EML6: variants seen among roughly 807,000 people sequenced by gnomAD.
EML6 encodes EMAP like 6, also known as echinoderm microtubule-associated protein-like 6.
In EML6, 154 loss-of-function variants were observed where a neutral mutation model predicts 240.1. The ratio of observed to expected loss-of-function variants is 0.64; its 90% CI spans 0.56 to 0.73. The LOEUF is 0.73. Among genes scored for constraint, EML6 ranks in the 30% least tolerant of loss-of-function variants. The probability of loss-of-function intolerance (pLI) is 0.00; values close to 1 mark genes in which losing one functional copy is unlikely to be tolerated. For missense variants in EML6, 2,964 were observed against 2,474.6 expected, an observed-to-expected ratio of 1.20 and a Z score of -4.20; for synonymous variants, 1,148 against 899.0, an observed-to-expected ratio of 1.28 and a Z score of -4.95.
In EML6 at chr2:54,916,861, C is replaced by G. The variant is rs1673942331; in HGVS notation, c.3601C>G (p.Leu1201Val). The G allele has an allele frequency of 1.3e-6, 2 of 1,550,996 alleles. No homozygotes were observed. The highest frequency in any genetic ancestry group is 2.4e-5 in the East Asian group (1 of 40,890). ...TATAACTGACGTAAATGCTGCCAGT[C>G]TTACCAAAGACTGTTCCCTTTTAGC... ...SDITDVNAAS[L>V]TKDCSLLATG... The change falls in exon 26 of 42, where the codon CTT becomes GTT. Residue 1201 changes from leucine to valine, a missense_variant. Coordinates refer to ENST00000356458, the MANE Select transcript of EML6 (RefSeq NM_001039753.4).
intron 2 of EML6, among the ~76,000 whole-genome samples, chr2:54,790,756 C>T (rs755072200): frequency 1.8e-4 from 24 of 134,970 alleles, no homozygotes; most frequent in East Asian, 5.0e-4. Flanking sequence ...GACGGAGTTA[C>T]GCTCTGTCGC....
At chr2:54,869,676 T>C (rs2103905754) in intron 15 of EML6, among the ~76,000 whole-genome samples, 1 of 152,150 alleles carries the variant, frequency 6.6e-6, no homozygotes, top group South Asian at 2.1e-4. Context: ...ATGCCCAGGA[T>C]TTAGTATATC....
rs1676648088 is a variant in EML6 at position 54,964,151 on chromosome 2, G to A, written c.5323G>A (p.Asp1775Asn). 6.4e-7 allele frequency: 1 copy of A among 1,551,552 alleles called. No homozygotes were observed. Among genetic ancestry groups the A allele is most frequent in the East Asian group, 2.4e-5 (1 of 40,918 alleles). Residue 1775 changes from aspartate to asparagine, a missense_variant, in exon 37 of 42, where the codon GAT becomes AAT. Transcript: ENST00000356458. Reference sequence around the variant, plus strand: ...ACGAGACCGGAAATCTGCTATCCAAGATATCAGGTACCTAAGTGGGTGGTC... The same window carrying A: ...ACGAGACCGGAAATCTGCTATCCAAAATATCAGGTACCTAAGTGGGTGGTC... ...KKRDRKSAIQDIRISPDNRFL... is the reference protein window; with the variant it reads ...KKRDRKSAIQNIRISPDNRFL...
chr2:54,725,208 C>T lies in EML6; in HGVS notation c.147C>T (p.Thr49=). 6.6e-7 allele frequency: 1 copy of T among 1,504,072 alleles called. No individual in the cohort carries two copies. Among genetic ancestry groups the T allele is most frequent in the Non-Finnish European group, 8.9e-7 (1 of 1,122,860 alleles). 93.2% of individuals were successfully genotyped at this position (1,504,072 alleles called of 1,614,324 possible). A position where few individuals can be genotyped will look rare whatever the true frequency, so the allele number is the denominator to read the frequency against. ...CTGGGGTCGGGGTGGTTTACAACAC[C>T]CGCGAGCACAGCCAAAAATTCTTCC... ...FVAGVGVVYN[T]REHSQKFFLG... is the part of the protein sequence containing the mutation. The change falls in exon 2 of 42, where the codon ACC becomes ACT. Residue 49 remains threonine, a synonymous_variant. Transcript: ENST00000356458. This position sits in a 1 kb window ranked among gnomAD's most constrained non-coding sequence, Gnocchi z 4.3.
intron 10 of EML6, chr2:54,850,428 A>C (rs1670013085): frequency 5.6e-6 from 3 of 538,842 alleles, no homozygotes; most frequent in Non-Finnish European, 9.9e-6. Context: ...GAGTTGGAAC[A>C]TGTTAAACTA....
chr2:54,970,120 T>C lies in EML6; in HGVS notation c.*25T>C. On this transcript the variant is annotated 3_prime_UTR_variant, in exon 42 of 42. Coordinates refer to ENST00000356458, the MANE Select transcript of EML6 (RefSeq NM_001039753.4). ...AAATGCCAGAAGCCTCTTATGTTAT[T>C]GCTGCTGCTGCTACCAGCCAGCAAC... 6.5e-7 allele frequency: 1 copy of C among 1,549,950 alleles called. No individual in the cohort carries two copies.
chr2:54,795,031 C>T (rs939472491), intron 2 of EML6, among the ~76,000 whole-genome samples: 2 of 152,200 alleles, frequency 1.3e-5, no homozygotes, highest in East Asian at 1.9e-4. Context: ...GCCATTCTTA[C>T]ATAGTACTAT....
At chr2:54,899,132 C>T (rs987507749) in intron 21 of EML6, among the ~76,000 whole-genome samples, 4 of 152,190 alleles carry the variant, frequency 2.6e-5, no homozygotes, top group African/African-American at 9.7e-5. Flanking sequence ...CCGAATGCTA[C>T]ACATTCAAAG....
intron 28 of EML6, among the ~76,000 whole-genome samples, chr2:54,941,593 C>G (rs1280474540): frequency 6.6e-6 from 1 of 152,244 alleles, no homozygotes; most frequent in Non-Finnish European, 1.5e-5. Context: ...TCAATCCTAT[C>G]TTGAAGCTTG....
intron 2 of EML6, among the ~76,000 whole-genome samples, chr2:54,733,156 C>T (rs954062369): frequency 6.6e-6 from 1 of 152,198 alleles, no homozygotes; most frequent in Admixed American, 6.5e-5. Context: ...GAGCAGCAGG[C>T]CAGCCTACCT....
intron 2 of EML6, among the ~76,000 whole-genome samples, chr2:54,752,743 G>A (rs1343051806): frequency 1.3e-5 from 2 of 152,114 alleles, no homozygotes; most frequent in African/African-American, 4.8e-5. Flanking sequence ...TTCACTATTG[G>A]ACATTTGGGT....
intron 3 of EML6, 90 bp from the exon 4 acceptor site, chr2:54,816,697 C>T: frequency 9.8e-7 from 1 of 1,024,346 alleles, no homozygotes; most frequent in Non-Finnish European, 1.5e-6. Context: ...AAATTCAATG[C>T]CTAACCCATA....
Position 54,895,325 on chromosome 2 carries a change from A to T in EML6, c.2907A>T (p.Gly969=), listed in dbSNP as rs1486109766. ...TTCGTGCCATCACTTTGGGACATGG[A>T]CATATCCTGGTGGGAACAAAAAATG... ...PSIRAITLGH[G]HILVGTKNGE... The change falls in exon 21 of 42, where the codon GGA becomes GGT. Residue 969 remains glycine (G), a synonymous_variant. Transcript: ENST00000356458. 6.4e-7 allele frequency: 1 copy of T among 1,551,786 alleles called. No individual in the cohort carries two copies. The highest frequency in any genetic ancestry group is 8.7e-7 in the Non-Finnish European group (1 of 1,146,928).
intron 2 of EML6, among the ~76,000 whole-genome samples, chr2:54,735,620 A>T (rs1448245888): frequency 6.6e-6 from 1 of 152,230 alleles, no homozygotes; most frequent in Non-Finnish European, 1.5e-5. Flanking sequence ...GCCATTGAGG[A>T]CATAATGTTT....
rs1031688121 is a variant in EML6 at position 54,970,626 on chromosome 2, G to C, written c.*531G>C. 2.6e-5 allele frequency: 4 copies of C among 153,770 alleles called. No individual in the cohort carries two copies. The highest frequency in any genetic ancestry group is 4.8e-5 in the African/African-American group (2 of 41,464). 9.5% of individuals were successfully genotyped at this position (153,770 alleles called of 1,614,324 possible). ...AAAACCAAATGAGCCATGTATAAAG[G>C]AGTTGAGAAACTTAATTTTTAAATG... On this transcript the variant is annotated 3_prime_UTR_variant, in exon 42 of 42. Transcript: ENST00000356458.
At chr2:54,909,577 G>C (rs1042615468) in intron 24 of EML6, among the ~76,000 whole-genome samples, 5 of 152,138 alleles carry the variant, frequency 3.3e-5, no homozygotes, top group African/African-American at 1.2e-4. Flanking sequence ...GAGCATGGTG[G>C]CTCATGCCAT....
Position 54,879,569 on chromosome 2 carries a change from G to C in EML6, c.2367G>C (p.Ser789=), listed in dbSNP as rs780578476. ...DFSADGKCLV[S]VGLDDFHSIV... is the part of the protein sequence containing the mutation. ...CAGCCGATGGAAAATGTCTGGTGTC[G>C]GTTGGTTTAGACGATTTTCACAGTA... The change falls in exon 17 of 42, where the codon TCG becomes TCC. Residue 789 remains serine, a synonymous_variant. Coordinates refer to ENST00000356458, the MANE Select transcript of EML6 (RefSeq NM_001039753.4). The C allele has an allele frequency of 1.3e-6, 2 of 1,551,468 alleles. No homozygotes were observed. Among genetic ancestry groups the C allele is most frequent in the Admixed American group, 3.9e-5 (2 of 50,956 alleles).
intron 17 of EML6, among the ~76,000 whole-genome samples, chr2:54,888,753 T>C (rs548832940): frequency 6.6e-6 from 1 of 152,364 alleles, no homozygotes; most frequent in East Asian, 1.9e-4. Context: ...ACAGTTTGTT[T>C]ACCCATTCAC....
chr2:54,809,778 G>A lies in EML6; in HGVS notation c.198-3454G>A, dbSNP rs80159314. 5.9e-3 allele frequency among the ~76,000 whole-genome samples: 894 copies of A among 152,084 alleles called. 9 individuals carry two copies. Among genetic ancestry groups the A allele is most frequent in the Non-Finnish European group, 7.9e-3 (536 of 67,988 alleles). ...CTTGCAAATCTAGTGAGTAAAGTTC[G>A]TGAGCTTTTCTCCTTTTTTGAGGCT... On this transcript the variant is annotated intron_variant, in intron 2 of 41. Transcript: ENST00000356458.
Sources: allele counts gnomAD v4.1 joint callset (sites outside exome capture counted in the v4.1 genomes callset), GRCh38; gene constraint gnomAD v4.1.1; non-coding constraint Gnocchi (gnomAD v3.1); transcripts MANE v1.5; gene names NCBI Gene and HGNC (gene_info 2026-07-23, HGNC 2026-07-21).